LRRC4C: variants seen among roughly 807,000 people sequenced by gnomAD.
LRRC4C encodes the protein leucine-rich repeat-containing protein 4C.
In LRRC4C, 5 loss-of-function variants were observed where a neutral mutation model predicts 33.6. The ratio of observed to expected loss-of-function variants is 0.15; its 90% CI spans 0.08 to 0.31. The LOEUF (loss-of-function observed/expected upper bound fraction) is 0.31. Among genes scored for constraint, LRRC4C ranks in the 10% least tolerant of loss-of-function variants. The pLI is 1.00. For missense variants in LRRC4C, 560 were observed against 796.7 expected, an observed-to-expected ratio of 0.70 and a Z score of 3.58; for synonymous variants, 329 against 302.0, an observed-to-expected ratio of 1.09 and a Z score of -0.93.
At chr11:40,417,987 A>G (rs1009997544) in intron 3 of LRRC4C, among the ~76,000 whole-genome samples, 1 of 152,202 alleles carries the variant, frequency 6.6e-6, no homozygotes, top group African/African-American at 2.4e-5. Context: ...TGTCTGAATC[A>G]TTTGATTACT....
intron 3 of LRRC4C, among the ~76,000 whole-genome samples, chr11:40,607,093 A>G (rs1419745794): frequency 1.3e-5 from 2 of 152,224 alleles, no homozygotes; most frequent in South Asian, 2.1e-4. Flanking sequence ...ACAAAGCAAG[A>G]GTAATGTATC....
intron 3 of LRRC4C, among the ~76,000 whole-genome samples, chr11:40,477,677 T>C (rs1953310502): frequency 6.6e-6 from 1 of 152,154 alleles, no homozygotes; most frequent in African/African-American, 2.4e-5. Flanking sequence ...CACGTGGCTC[T>C]GAGAGTTCAT....
intron 3 of LRRC4C, among the ~76,000 whole-genome samples, chr11:40,342,473 A>T (rs926171416): frequency 2.7e-4 from 41 of 152,176 alleles, no homozygotes; most frequent in Admixed American, 1.8e-3. Flanking sequence ...GTCTCAAAAA[A>T]CAAAACAAAC....
chr11:40,776,090 T>G (rs891725767), intron 2 of LRRC4C, among the ~76,000 whole-genome samples: 2 of 152,178 alleles, frequency 1.3e-5, no homozygotes, highest in Non-Finnish European at 2.9e-5. Flanking sequence ...GATTTGTGTT[T>G]GTTGAACCAA....
At chr11:40,697,959 AGG>A (rs1565647321) in intron 2 of LRRC4C, among the ~76,000 whole-genome samples, 2 of 150,562 alleles carry the variant, frequency 1.3e-5, no homozygotes, top group Non-Finnish European at 3.0e-5. Context: ...TCCCAGCTAC[AGG>A]GGAGGCTGAG....
At chr11:40,331,221 G>A (rs1401338935) in intron 3 of LRRC4C, among the ~76,000 whole-genome samples, 2 of 152,142 alleles carry the variant, frequency 1.3e-5, no homozygotes, top group South Asian at 2.1e-4. Flanking sequence ...ACAGTATGGA[G>A]GTTTCTCCAA....
intron 1 of LRRC4C, among the ~76,000 whole-genome samples, chr11:41,113,273 C>G (rs1250341635): frequency 6.6e-6 from 1 of 151,908 alleles, no homozygotes; most frequent in East Asian, 1.9e-4. Context: ...GGGCACAGAC[C>G]CACTGCAAAG....
chr11:40,357,255 A>T (rs1057429822), intron 3 of LRRC4C, among the ~76,000 whole-genome samples: 5 of 152,082 alleles, frequency 3.3e-5, no homozygotes, highest in Non-Finnish European at 7.4e-5. Flanking sequence ...ATATGGTTAT[A>T]TTTTATTGTC....
intron 1 of LRRC4C, among the ~76,000 whole-genome samples, chr11:41,137,107 G>C (rs1486856824): frequency 6.6e-6 from 1 of 152,092 alleles, no homozygotes. Flanking sequence ...AATTAGCCAG[G>C]TATGGTGGCG....
chr11:40,527,817 C>T (rs1956116310), intron 3 of LRRC4C, among the ~76,000 whole-genome samples: 2 of 151,860 alleles, frequency 1.3e-5, no homozygotes, highest in Admixed American at 6.6e-5. Flanking sequence ...GGCACGATCT[C>T]GGCTCACCAC....
rs777883943 is a variant in LRRC4C, at chr11:40,648,191, C to G, written c.-319G>C. The G allele has an allele frequency of 9.2e-5, 14 of 152,102 alleles. No homozygotes were observed. The highest frequency in any genetic ancestry group is 1.8e-4 in the Non-Finnish European group (12 of 68,010). 9.4% of individuals were successfully genotyped at this position (152,102 alleles called of 1,614,324 possible). The stretch of plus-strand genomic sequence containing the variant: ...GTTTCTCTGTTTGCAAAACTGGAAC[C>G]CACTTAATTTATGGCGATTCCAAAG... On this transcript the variant is annotated 5_prime_UTR_variant, in exon 3 of 7. Coordinates refer to ENST00000528697, the MANE Select transcript of LRRC4C (RefSeq NM_001258419.2).
intron 2 of LRRC4C, among the ~76,000 whole-genome samples, chr11:40,708,347 T>C (rs1006632638): frequency 1.1e-4 from 16 of 152,206 alleles, no homozygotes; most frequent in African/African-American, 3.9e-4. Context: ...TTTGTGGGCA[T>C]TTAGTGCTAT....
chr11:40,798,646 T>G (rs1288706803), intron 2 of LRRC4C, among the ~76,000 whole-genome samples: 1 of 93,640 alleles, frequency 1.1e-5, no homozygotes, highest in East Asian at 2.9e-4. Context: ...TCTTTCTTTC[T>G]TTTTTTTTTT....
intron 3 of LRRC4C, among the ~76,000 whole-genome samples, chr11:40,388,718 T>C (rs546825672): frequency 2.2e-4 from 33 of 152,306 alleles, no homozygotes; most frequent in African/African-American, 7.5e-4. Context: ...GAATCCTGAA[T>C]TGATCCTAGA....
chr11:41,244,184 T>C (rs1282270999), intron 1 of LRRC4C, among the ~76,000 whole-genome samples: 1 of 150,824 alleles, frequency 6.6e-6, no homozygotes, highest in Non-Finnish European at 1.5e-5. Flanking sequence ...TATCTATCTA[T>C]CTATCTATCG....
chr11:40,382,261 C>T (rs1470643098), intron 3 of LRRC4C, among the ~76,000 whole-genome samples: 1 of 150,318 alleles, frequency 6.7e-6, no homozygotes, highest in Non-Finnish European at 1.5e-5. Context: ...GGATTACAGG[C>T]GTGAGCCATC....
intron 3 of LRRC4C, among the ~76,000 whole-genome samples, chr11:40,344,152 G>T (rs778153057): frequency 6.6e-6 from 1 of 151,970 alleles, no homozygotes; most frequent in South Asian, 2.1e-4. Flanking sequence ...CTCATTCTAT[G>T]AGGCCAGCAT....
chr11:40,843,772 G>A (rs1953023802), intron 2 of LRRC4C, among the ~76,000 whole-genome samples: 1 of 152,070 alleles, frequency 6.6e-6, no homozygotes, highest in Non-Finnish European at 1.5e-5. Flanking sequence ...TGTTCATATA[G>A]TAACAACTTG....
intron 2 of LRRC4C, among the ~76,000 whole-genome samples, chr11:40,681,710 G>A (rs1233317089): frequency 6.6e-6 from 1 of 152,046 alleles, no homozygotes; most frequent in Non-Finnish European, 1.5e-5. Flanking sequence ...GACCAGCCTG[G>A]GCAGCATGGT....
Sources: allele counts gnomAD v4.1 joint callset (sites outside exome capture counted in the v4.1 genomes callset), GRCh38; gene constraint gnomAD v4.1.1; transcripts MANE v1.5; gene names NCBI Gene and HGNC (gene_info 2026-07-23, HGNC 2026-07-21).